Variants in IKZF1 observed in about 807,000 individuals in gnomAD.
IKZF1 encodes DNA-binding protein Ikaros.
In IKZF1, 10 loss-of-function variants were observed where a neutral mutation model predicts 51.7. That is an observed-to-expected ratio of 0.19 (90% CI 0.12 to 0.33). IKZF1 has a LOEUF of 0.33. Ranked by LOEUF, IKZF1 falls within the 10% of genes least tolerant of loss-of-function variation. IKZF1 has a pLI of 1.00. For missense variants in IKZF1, 484 were observed against 707.5 expected (o/e 0.68, Z 3.58); for synonymous variants, 280 against 282.3 (o/e 0.99, Z 0.08).
At chr7:50,392,505 G>A (rs1182111532) in intron 7 of IKZF1, among the ~76,000 whole-genome samples, 1 of 152,170 alleles carries the variant, frequency 6.6e-6, no homozygotes, top group Admixed American at 6.5e-5. Context: ...AGTGAGCCAG[G>A]GTCCGAGTGG....
chr7:50,357,392 C>A (rs1209013819), intron 3 of IKZF1, among the ~76,000 whole-genome samples: 2 of 151,302 alleles, frequency 1.3e-5, no homozygotes, highest in African/African-American at 4.9e-5. Context: ...TGTAGCCCCC[C>A]ACCTCCACTT....
chr7:50,332,537 C>T (rs968496256), intron 3 of IKZF1, among the ~76,000 whole-genome samples: 13 of 152,086 alleles, frequency 8.5e-5, no homozygotes, highest in Non-Finnish European at 1.8e-4. Flanking sequence ...GGCTAGAAAA[C>T]GGGATGGCCA....
In IKZF1 at chr7:50,400,129, C is replaced by T. The variant is rs2153518202; in HGVS notation, c.1062C>T (p.Leu354=). Residue 354 remains leucine (L), a synonymous_variant, in exon 8 of 8, where the codon CTC becomes CTT. Transcript: ENST00000331340. The surrounding 1 kb of genome is among the most constrained non-coding windows in gnomAD (Gnocchi z 5.4). ...ISPMYQLHKP[L]AEGTPRSNHS... The stretch of plus-strand genomic sequence containing the variant: ...CGATGTACCAGCTGCACAAGCCGCT[C>T]GCGGAGGGCACCCCGCGCTCCAACC... 3 of 1,562,834 alleles carry T rather than the reference C, an allele frequency of 1.9e-6. No homozygotes were observed. Among genetic ancestry groups the T allele is most frequent in the Non-Finnish European group, 8.7e-7 (1 of 1,155,426 alleles).
chr7:50,347,724 G>A (rs1712890268), intron 3 of IKZF1, among the ~76,000 whole-genome samples: 2 of 152,156 alleles, frequency 1.3e-5, no homozygotes, highest in Admixed American at 1.3e-4. Flanking sequence ...CAGAATTCCT[G>A]GAGCTCAGTT....
chr7:50,355,537 G>A (rs947078991), intron 3 of IKZF1, among the ~76,000 whole-genome samples: 3 of 152,088 alleles, frequency 2.0e-5, no homozygotes, highest in African/African-American at 7.2e-5. Flanking sequence ...GTGCTAAGAG[G>A]CTGTGGCCAA....
chr7:50,379,431 T>A (rs1327267175), intron 4 of IKZF1, among the ~76,000 whole-genome samples: 2 of 152,218 alleles, frequency 1.3e-5, no homozygotes, highest in Admixed American at 6.5e-5. Flanking sequence ...CATTTTCTAA[T>A]CAGCTCATCG....
rs1219777993 is a variant in IKZF1 at position 50,400,260 on chromosome 7, C to T, written c.1193C>T (p.Thr398Met). The T allele has an allele frequency of 1.2e-6, 2 of 1,611,342 alleles. No individual in the cohort carries two copies. Among genetic ancestry groups the T allele is most frequent in the Non-Finnish European group, 1.7e-6 (2 of 1,179,206 alleles). ...ASPSNSCQDS[T>M]DTESNNEEQR... ...CCGAGCAACAGCTGCCAAGACTCCA[C>T]GGACACCGAGAGCAACAACGAGGAG... The change falls in exon 8 of 8, where the codon ACG (threonine) becomes ATG (methionine). Residue 398 changes from threonine (T) to methionine (M), a missense_variant. Physicochemically the swap from Thr to Met is moderately conservative, Grantham distance 81. This residue lies in a region of IKZF1 where 27 missense variants were observed against 56.8 expected (regional missense o/e 0.48). Transcript: ENST00000331340. This position sits in a 1 kb window ranked among gnomAD's most constrained non-coding sequence, Gnocchi z 5.4.
intron 1 of IKZF1, chr7:50,318,522 T>C (rs1312508834): frequency 2.7e-5 from 6 of 225,572 alleles, no homozygotes; most frequent in Non-Finnish European, 5.3e-5. Flanking sequence ...TATTCATTAT[T>C]GATGGAGGTA....
chr7:50,336,700 C>T (rs1018341297), intron 3 of IKZF1, among the ~76,000 whole-genome samples: 2 of 152,266 alleles, frequency 1.3e-5, no homozygotes, highest in Admixed American at 1.3e-4. Context: ...GCTGCATTGT[C>T]CACTTCGGTG....
intron 7 of IKZF1, among the ~76,000 whole-genome samples, chr7:50,398,592 A>G (rs1817316144): frequency 6.6e-6 from 1 of 152,216 alleles, no homozygotes; most frequent in Admixed American, 6.5e-5. Flanking sequence ...GGAAGGAATT[A>G]TCCATGCAAT....
At chr7:50,391,042 A>C (rs1814888676) in intron 6 of IKZF1, among the ~76,000 whole-genome samples, 1 of 152,256 alleles carries the variant, frequency 6.6e-6, no homozygotes, top group Non-Finnish European at 1.5e-5. Flanking sequence ...TGATGTAAAT[A>C]TAGATCCAGC....
Position 50,355,980 on chromosome 7 carries a change from T to A in IKZF1, c.161-20553T>A, listed in dbSNP as rs1027124208. On this transcript the variant is annotated intron_variant, in intron 3 of 7. Coordinates refer to ENST00000331340, the MANE Select transcript of IKZF1 (RefSeq NM_006060.6). ...TGGGGATGTCTTTGACTCAGAGCTC[T>A]GCCACTGGTTATCTCCACGAACAGA... Among the ~76,000 whole-genome samples the A allele has an allele frequency of 2.0e-5, 3 of 152,364 alleles. No individual in the cohort carries two copies. In the East Asian group the frequency reaches 5.8e-4, roughly 29 times the overall value.
chr7:50,332,783 A>G (rs1291474776), intron 3 of IKZF1, among the ~76,000 whole-genome samples: 2 of 152,228 alleles, frequency 1.3e-5, no homozygotes, highest in African/African-American at 4.8e-5. Context: ...GGCAGTAGTT[A>G]TTCAGGCGGG....
intron 2 of IKZF1, 63 bp from the exon 3 acceptor site, chr7:50,327,575 C>G: frequency 6.6e-7 from 1 of 1,510,318 alleles, no homozygotes; most frequent in Non-Finnish European, 8.9e-7. Context: ...AGCCAAAAGC[C>G]GGGGGAAGCC....
In IKZF1 at chr7:50,397,559, T is replaced by C. The variant is rs951618011; in HGVS notation, c.851-2359T>C. Among the ~76,000 whole-genome samples the C allele has an allele frequency of 7.9e-5, 12 of 152,306 alleles. No individual in the cohort carries two copies. In the East Asian group the frequency reaches 1.9e-3, roughly 24 times the overall value. On this transcript the variant is annotated intron_variant, in intron 7 of 7. Coordinates refer to ENST00000331340, the MANE Select transcript of IKZF1 (RefSeq NM_006060.6). ...CCTTTTGGTGGGGCTGTAAAGACTT[T>C]TATATTTAGCAAAATTGGCTACAAA...
chr7:50,367,925 A>T, intron 3 of IKZF1: 1 of 606,696 alleles, frequency 1.6e-6, no homozygotes, highest in South Asian at 2.0e-5. Flanking sequence ...TTTTAAAAAA[A>T]AGTAATGCTT....
At chr7:50,327,127 T>G (rs1328371388) in intron 2 of IKZF1, among the ~76,000 whole-genome samples, 1 of 152,232 alleles carries the variant, frequency 6.6e-6, no homozygotes, top group East Asian at 1.9e-4. Context: ...CTGTGGTGAT[T>G]ATTAGGAATA....
chr7:50,324,095 A>G (rs1006963139), intron 2 of IKZF1, among the ~76,000 whole-genome samples: 5 of 152,166 alleles, frequency 3.3e-5, no homozygotes, highest in Non-Finnish European at 5.9e-5. Context: ...AGTGTTTTAT[A>G]ATCCTTGCAT....
At chr7:50,362,982 C>T (rs567730888) in intron 3 of IKZF1, among the ~76,000 whole-genome samples, 650 of 152,150 alleles carry the variant, frequency 4.3e-3, no homozygotes, top group Non-Finnish European at 7.9e-3. Flanking sequence ...TGGGATGTGA[C>T]GTGGTTGGAA....
Sources: gnomAD v4.1 joint callset for allele counts (sites outside exome capture counted in the v4.1 genomes callset) on GRCh38, gnomAD v4.1.1 for gene constraint, gnomAD v4.1.1 regional missense constraint, Gnocchi (gnomAD v3.1) non-coding constraint, MANE v1.5 for transcripts, NCBI Gene and HGNC (gene_info 2026-07-23, HGNC 2026-07-21) for gene names.